Variants in RMST observed in about 807,000 individuals in gnomAD.
RMST encodes rhabdomyosarcoma 2 associated transcript.
chr12:97,551,237 G>T (rs960089393), intron 11 of RMST, among the ~76,000 whole-genome samples: 1 of 150,910 alleles, frequency 6.6e-6, no homozygotes, highest in African/African-American at 2.4e-5. Flanking sequence ...AGTCCTCTTG[G>T]TAATTGAATA....
At chr12:97,475,668 T>C (rs1239528713) in intron 5 of RMST, among the ~76,000 whole-genome samples, 1 of 151,924 alleles carries the variant, frequency 6.6e-6, no homozygotes, top group East Asian at 1.9e-4. Context: ...CTTCACACTT[T>C]ACAGGTTACT....
At chr12:97,550,853 TAG>T (rs1435335378) in intron 11 of RMST, among the ~76,000 whole-genome samples, 4 of 152,220 alleles carry the variant, frequency 2.6e-5, no homozygotes, top group Admixed American at 2.6e-4. Context: ...TGCAAATTTA[TAG>T]AGTCTTTATA....
chr12:97,551,072 A>G (rs972521405), intron 11 of RMST, among the ~76,000 whole-genome samples: 1 of 151,840 alleles, frequency 6.6e-6, no homozygotes, highest in African/African-American at 2.4e-5. Flanking sequence ...CAAAGACCAT[A>G]TTCTTTCTAC....
chr12:97,512,360 C>T (rs894534997), intron 10 of RMST, among the ~76,000 whole-genome samples: 5 of 152,094 alleles, frequency 3.3e-5, no homozygotes, highest in African/African-American at 9.7e-5. Flanking sequence ...GCTTCCACAG[C>T]GTGTAAGGGG....
chr12:97,518,248 A>G (rs1171796562), intron 10 of RMST, among the ~76,000 whole-genome samples: 1 of 152,150 alleles, frequency 6.6e-6, no homozygotes, highest in Non-Finnish European at 1.5e-5. Flanking sequence ...ATCTGATGAG[A>G]TTTGGGATTA....
intron 10 of RMST, among the ~76,000 whole-genome samples, chr12:97,505,790 T>G (rs1485679124): frequency 1.3e-5 from 2 of 152,198 alleles, no homozygotes; most frequent in Non-Finnish European, 2.9e-5. Flanking sequence ...GTGCTTAAAA[T>G]GAATTTAAGA....
At chr12:97,496,259 C>A (rs1877402482) in intron 10 of RMST, among the ~76,000 whole-genome samples, 1 of 151,830 alleles carries the variant, frequency 6.6e-6, no homozygotes, top group South Asian at 2.1e-4. Flanking sequence ...TTTTTTCAAC[C>A]CAAATGGGTG....
At chr12:97,503,740 C>CTTCA (rs1565925355) in intron 10 of RMST, among the ~76,000 whole-genome samples, 1 of 152,154 alleles carries the variant, frequency 6.6e-6, no homozygotes. Flanking sequence ...TCCCTGCATG[C>CTTCA]TTCAGGAAAG....
intron 5 of RMST, among the ~76,000 whole-genome samples, chr12:97,469,993 C>T (rs1406283466): frequency 1.3e-5 from 2 of 152,108 alleles, no homozygotes; most frequent in Non-Finnish European, 2.9e-5. Context: ...ATGGTCTACA[C>T]TGTAAGGCTG....
chr12:97,497,590 C>T (rs914811765), intron 10 of RMST, among the ~76,000 whole-genome samples: 9 of 152,040 alleles, frequency 5.9e-5, no homozygotes, highest in South Asian at 2.1e-4. Flanking sequence ...TGAGGCCTTA[C>T]GTTTGTTTAG....
chr12:97,554,130 T>G (rs1242800063), intron 11 of RMST, among the ~76,000 whole-genome samples: 1 of 151,892 alleles, frequency 6.6e-6, no homozygotes, highest in Non-Finnish European at 1.5e-5. Context: ...AATTTTGTAT[T>G]TTGAGTAGAG....
chr12:97,488,337 G>A (rs546578684), intron 5 of RMST, among the ~76,000 whole-genome samples: 1 of 152,148 alleles, frequency 6.6e-6, no homozygotes, highest in African/African-American at 2.4e-5. Context: ...ACCTAGGTGG[G>A]TGCAGTTGGG....
intron 5 of RMST, among the ~76,000 whole-genome samples, chr12:97,469,207 C>A (rs1476475082): frequency 7.1e-6 from 1 of 141,648 alleles, no homozygotes; most frequent in Non-Finnish European, 1.5e-5. Flanking sequence ...TACACATTTA[C>A]TATATATATA....
intron 4 of RMST, among the ~76,000 whole-genome samples, chr12:97,464,206 G>A (rs1201089056): frequency 6.6e-6 from 1 of 152,154 alleles, no homozygotes; most frequent in Non-Finnish European, 1.5e-5. Flanking sequence ...TGATTTTTAT[G>A]TTCTTAGTGC....
chr12:97,561,537 G>C (rs974856126), intron 13 of RMST, among the ~76,000 whole-genome samples: 11 of 151,714 alleles, frequency 7.3e-5, no homozygotes, highest in Non-Finnish European at 8.8e-5. Context: ...AAGGGGAGGG[G>C]ATATGAGTCA....
exon 14 of RMST, chr12:97,564,928 T>C (rs1884413914): frequency 6.6e-6 from 1 of 152,352 alleles, no homozygotes; most frequent in African/African-American, 2.4e-5. Context: ...GTTTTCTGTA[T>C]ATTTACTTTT....
chr12:97,518,003 T>C (rs541554444), intron 10 of RMST, among the ~76,000 whole-genome samples: 1 of 152,290 alleles, frequency 6.6e-6, no homozygotes, highest in African/African-American at 2.4e-5. Context: ...TTGACAAATA[T>C]TTCAGTATTT....
chr12:97,513,225 CA>C (rs1425959375), intron 10 of RMST, among the ~76,000 whole-genome samples: 1 of 152,232 alleles, frequency 6.6e-6, no homozygotes, highest in African/African-American at 2.4e-5. Flanking sequence ...CAAGTGCCAC[CA>C]AAGTGGGAGC....
intron 11 of RMST, among the ~76,000 whole-genome samples, chr12:97,543,891 C>T (rs1882739576): frequency 1.3e-5 from 2 of 151,978 alleles, no homozygotes; most frequent in South Asian, 4.1e-4. Flanking sequence ...GCAAAGAAAG[C>T]TATCCTATAG....
Sources: gnomAD v4.1 joint callset for allele counts (sites outside exome capture counted in the v4.1 genomes callset) on GRCh38, gnomAD v4.1.1 for gene constraint, MANE v1.5 for transcripts, NCBI Gene and HGNC (gene_info 2026-07-23, HGNC 2026-07-21) for gene names.